Variants in PTPRD observed in about 807,000 individuals in gnomAD.
PTPRD encodes receptor-type tyrosine-protein phosphatase delta.
PTPRD carries 34 observed loss-of-function variants against 214.5 expected under a neutral mutation model. The ratio of observed to expected loss-of-function variants is 0.16; its 90% CI spans 0.12 to 0.21. The LOEUF (loss-of-function observed/expected upper bound fraction) is 0.21, where lower values mean the gene tolerates loss of function less well. PTPRD is among the 10% of genes least tolerant of loss of function. The pLI, the probability that PTPRD is intolerant of heterozygous loss-of-function variation, is 1.00. For missense variants in PTPRD, 2,545 were observed against 2,398.7 expected, an observed-to-expected ratio of 1.06 and a Z score of -1.27; for synonymous variants, 1,128 against 845.7, an observed-to-expected ratio of 1.33 and a Z score of -5.79.
At chr9:9,412,904 T>A (rs1490621878) in intron 8 of PTPRD, among the ~76,000 whole-genome samples, 1 of 151,982 alleles carries the variant, frequency 6.6e-6, no homozygotes, top group African/African-American at 2.4e-5. Flanking sequence ...AACAGATGAA[T>A]AAATCTCACT....
chr9:8,636,647 G>A (rs1490418751), intron 13 of PTPRD, 52 bp downstream of exon 13: 2 of 1,597,948 alleles, frequency 1.3e-6, no homozygotes, highest in Non-Finnish European at 1.7e-6. Flanking sequence ...AGAAACCAAA[G>A]ACAGAGCAGA....
At chr9:10,294,351 A>T (rs2154402218) in intron 3 of PTPRD, among the ~76,000 whole-genome samples, 1 of 152,066 alleles carries the variant, frequency 6.6e-6, no homozygotes, top group East Asian at 1.9e-4. Context: ...TGGAAAAGGC[A>T]AAAAGATGGG....
intron 11 of PTPRD, among the ~76,000 whole-genome samples, chr9:8,789,776 G>A (rs953428309): frequency 1.3e-5 from 2 of 152,104 alleles, no homozygotes; most frequent in South Asian, 4.1e-4. Context: ...AATTCAACCC[G>A]TGTCTCACAC....
intron 10 of PTPRD, among the ~76,000 whole-genome samples, chr9:9,085,351 A>G (rs2099765494): frequency 6.6e-6 from 1 of 152,178 alleles, no homozygotes; most frequent in Non-Finnish European, 1.5e-5. Flanking sequence ...TCTCTCAGAG[A>G]AAATGTTGGT....
intron 2 of PTPRD, among the ~76,000 whole-genome samples, chr9:10,556,505 TGA>T (rs1204029922): frequency 6.6e-6 from 1 of 152,100 alleles, no homozygotes; most frequent in Non-Finnish European, 1.5e-5. Flanking sequence ...TAGAAAATAC[TGA>T]GAGTCACGTG....
In PTPRD at chr9:10,073,608, G is replaced by A. The variant is rs185441850; in HGVS notation, c.-544-39818C>T. Among the ~76,000 whole-genome samples, 150 of 152,172 alleles carry A rather than the reference G, an allele frequency of 9.9e-4. 1 individual carries two copies. Among genetic ancestry groups the A allele is most frequent in the African/African-American group, 3.5e-3 (145 of 41,534 alleles). ...GCTGAAAGATGGCAGTTGGAAGATGGTTGGTGACTAGTTCCCCTGTCTAGT... is the reference window on the plus strand; with the variant it reads ...GCTGAAAGATGGCAGTTGGAAGATGATTGGTGACTAGTTCCCCTGTCTAGT... On this transcript the variant is annotated intron_variant, in intron 3 of 45. Coordinates refer to ENST00000381196, the MANE Select transcript of PTPRD (RefSeq NM_002839.4).
At chr9:10,544,348 T>A (rs866372221) in intron 2 of PTPRD, among the ~76,000 whole-genome samples, 6 of 152,302 alleles carry the variant, frequency 3.9e-5, no homozygotes, top group African/African-American at 1.2e-4. Context: ...TGTACCATTT[T>A]AACAGAAACA....
intron 14 of PTPRD, among the ~76,000 whole-genome samples, chr9:8,603,595 T>C (rs930207589): frequency 1.3e-5 from 2 of 152,172 alleles, no homozygotes; most frequent in Non-Finnish European, 2.9e-5. Flanking sequence ...GAGAAGCAGA[T>C]GCTGTCAATA....
At chr9:9,417,704 C>T (rs372952744) in intron 8 of PTPRD, among the ~76,000 whole-genome samples, 2 of 152,120 alleles carry the variant, frequency 1.3e-5, no homozygotes, top group South Asian at 2.1e-4. Flanking sequence ...AAATGCTAGT[C>T]TATTTTTTTA....
At chr9:8,331,800 C>G (rs930747563) in intron 43 of PTPRD, 64 bp from the exon 44 acceptor site, 17 of 1,486,548 alleles carry the variant, frequency 1.1e-5, no homozygotes, top group Non-Finnish European at 1.5e-5. Context: ...AGCAAGCATA[C>G]GGACCACAAG....
chr9:10,162,663 G>T (rs1401017740), intron 3 of PTPRD, among the ~76,000 whole-genome samples: 1 of 143,592 alleles, frequency 7.0e-6, no homozygotes, highest in South Asian at 2.2e-4. Context: ...ATATATACAT[G>T]TATATGTATA....
At chr9:8,871,623 C>T (rs772948641) in intron 11 of PTPRD, among the ~76,000 whole-genome samples, 51 of 152,134 alleles carry the variant, frequency 3.4e-4, no homozygotes, top group Non-Finnish European at 6.0e-4. Context: ...CAAAATTCCT[C>T]TCTGTCATTT....
At position 10,523,601 on chromosome 9, in the gene PTPRD, G is replaced by GTATATATATATATATATATATATATATA. The variant is rs201455705; in HGVS notation, c.-600+88796_-600+88797insTATATATATATATATATATATATATATA. 2.7e-3 allele frequency among the ~76,000 whole-genome samples: 171 copies of GTATATATATATATATATATATATATATA among 64,262 alleles called. 14 individuals carry two copies. Among genetic ancestry groups the GTATATATATATATATATATATATATATA allele is most frequent in the South Asian group, 3.0e-3 (4 of 1,324 alleles). The allele number at this position is 64,262 out of a possible 152,430, so 42.2% of individuals were successfully genotyped here. ...CAATATTTTTCAAGTATATTTATCT[G>GTATATATATATATATATATATATATATA]TATATATATATATATATATATAGAC... is the stretch of plus-strand genomic sequence containing the variant. On this transcript the variant is annotated intron_variant, in intron 2 of 45. Transcript: ENST00000381196.
intron 2 of PTPRD, among the ~76,000 whole-genome samples, chr9:10,550,767 C>T (rs999958823): frequency 2.0e-5 from 3 of 152,212 alleles, no homozygotes; most frequent in African/African-American, 7.2e-5. Context: ...AACTATCTAT[C>T]TCAGCTTCAG....
At chr9:8,353,985 A>G in intron 39 of PTPRD, among the ~76,000 whole-genome samples, 2 of 124,688 alleles carry the variant, frequency 1.6e-5, no homozygotes, top group Admixed American at 8.1e-5. Context: ...TTTGAGAAGG[A>G]GTCTCACTCT....
At chr9:10,547,021 T>G (rs1346358880) in intron 2 of PTPRD, among the ~76,000 whole-genome samples, 1 of 152,042 alleles carries the variant, frequency 6.6e-6, no homozygotes, top group Non-Finnish European at 1.5e-5. Context: ...TAGGGTTCAT[T>G]AAGCCTCACC....
chr9:9,015,886 G>A (rs2099532831), intron 11 of PTPRD, among the ~76,000 whole-genome samples: 1 of 152,086 alleles, frequency 6.6e-6, no homozygotes. Flanking sequence ...AAAATCAGGG[G>A]CACAAACTTT....
chr9:8,546,774 T>G (rs2080293149), intron 14 of PTPRD, among the ~76,000 whole-genome samples: 1 of 152,182 alleles, frequency 6.6e-6, no homozygotes, highest in Non-Finnish European at 1.5e-5. Flanking sequence ...GTCCTGGGAT[T>G]CCAGGCGTGA....
At chr9:8,370,203 T>C (rs1174944075) in intron 39 of PTPRD, among the ~76,000 whole-genome samples, 25 of 41,182 alleles carry the variant, frequency 6.1e-4, no homozygotes, top group African/African-American at 1.4e-3. Flanking sequence ...TGCACATATA[T>C]ATATACACAC....
Sources: allele counts gnomAD v4.1 joint callset (sites outside exome capture counted in the v4.1 genomes callset), GRCh38; gene constraint gnomAD v4.1.1; transcripts MANE v1.5; gene names NCBI Gene and HGNC (gene_info 2026-07-23, HGNC 2026-07-21).